GABRG3: variants seen among roughly 807,000 people sequenced by gnomAD.
The protein encoded by GABRG3 is gamma-aminobutyric acid type A receptor subunit gamma3, also known as gamma-aminobutyric acid receptor subunit gamma-3.
In GABRG3, 25 loss-of-function variants were observed where a neutral mutation model predicts 48.8. That is an observed-to-expected ratio of 0.51 (90% CI 0.37 to 0.72). The LOEUF is 0.72. GABRG3 is among the 30% of genes least tolerant of loss of function. The pLI is 0.00. For synonymous variants in GABRG3, 227 were observed against 217.6 expected, an observed-to-expected ratio of 1.04 and a Z score of -0.38; for missense variants, 394 against 577.9, an observed-to-expected ratio of 0.68 and a Z score of 3.26.
At chr15:27,049,530 A>G (rs1400551234) in intron 3 of GABRG3, among the ~76,000 whole-genome samples, 4 of 152,178 alleles carry the variant, frequency 2.6e-5, no homozygotes, top group African/African-American at 9.7e-5. Flanking sequence ...AATGAAAGCC[A>G]CACACCCAGC....
chr15:27,155,262 A>C (rs1216646960), intron 3 of GABRG3, among the ~76,000 whole-genome samples: 2 of 152,046 alleles, frequency 1.3e-5, no homozygotes, highest in African/African-American at 4.8e-5. Flanking sequence ...TTCTACTGAG[A>C]GTTTGTTTCT....
At chr15:27,311,686 T>A (rs183663176) in intron 3 of GABRG3, among the ~76,000 whole-genome samples, 2 of 152,132 alleles carry the variant, frequency 1.3e-5, no homozygotes, top group African/African-American at 4.8e-5. Context: ...TCAACTTTTC[T>A]GGAGGTGGCC....
In GABRG3 at chr15:27,468,401, G is replaced by C. The variant is rs563994327; in HGVS notation, c.575-12249G>C. Among the ~76,000 whole-genome samples the C allele has an allele frequency of 3.3e-3, 510 of 152,304 alleles. 1 individual carries two copies. The highest frequency in any genetic ancestry group is 0.012 in the African/African-American group (481 of 41,570). ...AACAAATATGGGTGTTCCTGGAACT[G>C]TCATGGGGTTGGTGGTTGTGTGGTT... On this transcript the variant is annotated intron_variant, in intron 5 of 9. Transcript: ENST00000615808.
chr15:27,279,822 T>C (rs953873707), intron 3 of GABRG3, among the ~76,000 whole-genome samples: 15 of 152,190 alleles, frequency 9.9e-5, no homozygotes, highest in African/African-American at 3.6e-4. Flanking sequence ...TATATTAAAC[T>C]AACAGGTTAG....
intron 5 of GABRG3, among the ~76,000 whole-genome samples, chr15:27,388,711 G>A (rs1422000259): frequency 6.6e-6 from 1 of 152,136 alleles, no homozygotes; most frequent in Non-Finnish European, 1.5e-5. Context: ...AGTGTGTGGA[G>A]TGAGTCCAGA....
intron 3 of GABRG3, among the ~76,000 whole-genome samples, chr15:27,075,968 T>C (rs1896903154): frequency 6.6e-6 from 1 of 152,152 alleles, no homozygotes; most frequent in Admixed American, 6.5e-5. Flanking sequence ...GAAGTGCTGC[T>C]AGTGTTTGCG....
chr15:27,252,674 T>G (rs1466423259), intron 3 of GABRG3, among the ~76,000 whole-genome samples: 1 of 152,134 alleles, frequency 6.6e-6, no homozygotes, highest in Non-Finnish European at 1.5e-5. Context: ...GGAATTTGAC[T>G]TAGTGAGAGA....
chr15:26,993,147 C>CA (rs923895829), intron 2 of GABRG3, among the ~76,000 whole-genome samples: 3 of 151,630 alleles, frequency 2.0e-5, no homozygotes, highest in African/African-American at 4.8e-5. Flanking sequence ...TTTATCTTTT[C>CA]AAAAAAACCA....
Position 27,519,867 on chromosome 15 carries a change from A to C in GABRG3, c.713-105A>C, listed in dbSNP as rs1212464137. The C allele has an allele frequency of 7.1e-5, 58 of 814,242 alleles. No individual in the cohort carries two copies. In the Middle Eastern group the frequency reaches 2.1e-3, roughly 30 times the overall value. The allele number at this position is 814,242 out of a possible 1,614,324, so 50.4% of individuals were successfully genotyped here. ...TGATTTGATATTGTTGTAGTTGTGC[A>C]TTTTTATCCAAGTCATTCACTTAAC... On this transcript the variant is annotated intron_variant, in intron 6 of 9. Coordinates refer to ENST00000615808, the MANE Select transcript of GABRG3 (RefSeq NM_033223.5).
Position 27,538,326 on chromosome 15 carries a change from GT to G in GABRG3, c.*5447del. 6.6e-6 allele frequency: 1 copy of G among 152,216 alleles called. No individual in the cohort carries two copies. Among genetic ancestry groups the G allele is most frequent in the South Asian group, 2.1e-4 (1 of 4,830 alleles). The allele number at this position is 152,216 out of a possible 1,614,324, so 9.4% of individuals were successfully genotyped here. A position where few individuals can be genotyped will look rare whatever the true frequency, so the allele number is the denominator to read the frequency against. The stretch of plus-strand genomic sequence containing the variant: ...CACTGACAAGTTTTCAATGTTTTGA[GT>G]TAACCAAGTGGGCTTTTCAGATTAG... On this transcript the variant is annotated 3_prime_UTR_variant, in exon 10 of 10. Coordinates refer to ENST00000615808, the MANE Select transcript of GABRG3 (RefSeq NM_033223.5).
Position 27,064,044 on chromosome 15 carries a change from AT to A in GABRG3, c.270+37225del, listed in dbSNP as rs1896696214. On this transcript the variant is annotated intron_variant, in intron 3 of 9. Transcript: ENST00000615808. ...GCAACTGTTTTTGGAGACGCAGTAG[AT>A]TCGTTTAATGTGTTTATCTCAAGAT... Among the ~76,000 whole-genome samples the A allele has an allele frequency of 2.0e-5, 3 of 152,182 alleles. No homozygotes were observed. In the South Asian group the frequency reaches 6.2e-4, roughly 32 times the overall value.
intron 5 of GABRG3, among the ~76,000 whole-genome samples, chr15:27,340,005 C>T (rs1008185030): frequency 6.6e-6 from 1 of 152,112 alleles, no homozygotes; most frequent in African/African-American, 2.4e-5. Context: ...GGGTGACTTT[C>T]AGCATCTCTC....
intron 3 of GABRG3, among the ~76,000 whole-genome samples, chr15:27,162,540 T>C (rs1038406450): frequency 2.3e-4 from 35 of 151,988 alleles, no homozygotes; most frequent in African/African-American, 7.7e-4. Flanking sequence ...AGGGGCCAGA[T>C]CGGGTGCAGT....
intron 5 of GABRG3, among the ~76,000 whole-genome samples, chr15:27,356,877 T>C (rs1894858861): frequency 6.6e-6 from 1 of 152,224 alleles, no homozygotes; most frequent in South Asian, 2.1e-4. Context: ...CATAACCCTA[T>C]AGGTTTATTT....
At chr15:27,156,153 G>C (rs779675012) in intron 3 of GABRG3, among the ~76,000 whole-genome samples, 1 of 151,644 alleles carries the variant, frequency 6.6e-6, no homozygotes, top group Non-Finnish European at 1.5e-5. Flanking sequence ...CAAAAAATTA[G>C]CTGGGTGTGG....
At chr15:27,045,820 G>A (rs1199317298) in intron 3 of GABRG3, among the ~76,000 whole-genome samples, 1 of 152,198 alleles carries the variant, frequency 6.6e-6, no homozygotes, top group Non-Finnish European at 1.5e-5. Flanking sequence ...CTTTCCTCCG[G>A]AGGCAGCGTG....
At chr15:27,100,043 C>T (rs1390451478) in intron 3 of GABRG3, among the ~76,000 whole-genome samples, 4 of 151,762 alleles carry the variant, frequency 2.6e-5, no homozygotes, top group African/African-American at 9.7e-5. Flanking sequence ...GGTGAAACCC[C>T]GTCTGTACTA....
chr15:27,081,609 C>T lies in GABRG3; in HGVS notation c.270+54788C>T, dbSNP rs186801177. ...CTGGCCCCAAATGGATGTCACAGCA[C>T]GCAGTATGGATCACTGACTTACTCC... On this transcript the variant is annotated intron_variant, in intron 3 of 9. Coordinates refer to ENST00000615808, the MANE Select transcript of GABRG3 (RefSeq NM_033223.5). Among the ~76,000 whole-genome samples the T allele has an allele frequency of 9.1e-4, 139 of 152,234 alleles. 2 individuals are homozygous for T. Among genetic ancestry groups the T allele is most frequent in the African/African-American group, 3.1e-3 (127 of 41,536 alleles).
At chr15:27,203,579 G>A (rs1018550692) in intron 3 of GABRG3, among the ~76,000 whole-genome samples, 4 of 152,022 alleles carry the variant, frequency 2.6e-5, no homozygotes, top group Admixed American at 1.3e-4. Context: ...TTGTTGGGTC[G>A]AATTATAGTC....
Sources: gnomAD v4.1 joint callset for allele counts (sites outside exome capture counted in the v4.1 genomes callset) on GRCh38, gnomAD v4.1.1 for gene constraint, MANE v1.5 for transcripts, NCBI Gene and HGNC (gene_info 2026-07-23, HGNC 2026-07-21) for gene names.